GABRG3: variants seen among roughly 807,000 people sequenced by gnomAD.
The protein encoded by GABRG3 is gamma-aminobutyric acid type A receptor subunit gamma3, also known as gamma-aminobutyric acid receptor subunit gamma-3.
In GABRG3, 25 loss-of-function variants were observed where a neutral mutation model predicts 48.8. The observed-to-expected ratio is 0.51, with a 90% confidence interval of 0.37 to 0.72. The LOEUF (loss-of-function observed/expected upper bound fraction) is 0.72, where lower values mean the gene tolerates loss of function less well. Among genes scored for constraint, GABRG3 ranks in the 30% least tolerant of loss-of-function variants. The probability of loss-of-function intolerance (pLI) is 0.00; values close to 1 mark genes in which losing one functional copy is unlikely to be tolerated. For missense variants in GABRG3, 394 were observed against 577.9 expected (o/e 0.68, Z 3.26); for synonymous variants, 227 against 217.6 (o/e 1.04, Z -0.38).
At chr15:27,339,796 G>A (rs1269425710) in intron 5 of GABRG3, among the ~76,000 whole-genome samples, 1 of 152,186 alleles carries the variant, frequency 6.6e-6, no homozygotes, top group African/African-American at 2.4e-5. Flanking sequence ...CATGATCATA[G>A]CATTGATAAG....
At chr15:27,196,124 CA>C (rs922038486) in intron 3 of GABRG3, among the ~76,000 whole-genome samples, 3 of 152,180 alleles carry the variant, frequency 2.0e-5, no homozygotes, top group Admixed American at 6.5e-5. Context: ...AAGAGTGGAG[CA>C]GTAACCCGAT....
At chr15:27,299,618 A>G (rs1222835742) in intron 3 of GABRG3, among the ~76,000 whole-genome samples, 1 of 152,108 alleles carries the variant, frequency 6.6e-6, no homozygotes, top group African/African-American at 2.4e-5. Context: ...CCATTCTCTC[A>G]AAGTTGAGTC....
intron 5 of GABRG3, among the ~76,000 whole-genome samples, chr15:27,346,069 G>A (rs1195780347): frequency 0.068 from 60 of 880 alleles, 1 homozygote; most frequent in African/African-American, 0.15. Context: ...NNAAAAAAGA[G>A]AGAGAAAGAA....
At chr15:27,224,336 C>A (rs1017703792) in intron 3 of GABRG3, among the ~76,000 whole-genome samples, 1 of 152,192 alleles carries the variant, frequency 6.6e-6, no homozygotes, top group South Asian at 2.1e-4. Flanking sequence ...TCTTAGAAGG[C>A]CTGAAATGCT....
chr15:27,117,028 T>C (rs1451867922), intron 3 of GABRG3, among the ~76,000 whole-genome samples: 2 of 152,184 alleles, frequency 1.3e-5, no homozygotes, highest in Non-Finnish European at 2.9e-5. Context: ...CATTTAATCC[T>C]CACAACAGCC....
At chr15:27,282,069 G>T (rs1375569415) in intron 3 of GABRG3, among the ~76,000 whole-genome samples, 1 of 152,128 alleles carries the variant, frequency 6.6e-6, no homozygotes, top group African/African-American at 2.4e-5. Flanking sequence ...TGGCCTTCGT[G>T]TTTCTGATGA....
chr15:27,083,905 T>G (rs939870909), intron 3 of GABRG3, among the ~76,000 whole-genome samples: 1 of 152,226 alleles, frequency 6.6e-6, no homozygotes, highest in Non-Finnish European at 1.5e-5. Flanking sequence ...TGACATGCTG[T>G]GAAGGTAAGC....
At chr15:27,470,286 C>T (rs889349741) in intron 5 of GABRG3, among the ~76,000 whole-genome samples, 9 of 150,642 alleles carry the variant, frequency 6.0e-5, no homozygotes, top group Admixed American at 5.3e-4. Flanking sequence ...TGTAATGGCG[C>T]GATCTTAGCT....
intron 3 of GABRG3, among the ~76,000 whole-genome samples, chr15:27,076,318 CTTTT>C (rs1230817571): frequency 3.9e-4 from 41 of 106,478 alleles, no homozygotes; most frequent in East Asian, 8.3e-4. Flanking sequence ...AGCCAACTGT[CTTTT>C]TTTTTTTTTT....
chr15:27,251,857 C>A (rs1036839438), intron 3 of GABRG3, among the ~76,000 whole-genome samples: 1 of 152,134 alleles, frequency 6.6e-6, no homozygotes. Context: ...GGTCCTACCC[C>A]CTGTCTCTGC....
chr15:27,316,203 C>T (rs561541847), intron 3 of GABRG3, among the ~76,000 whole-genome samples: 1 of 151,758 alleles, frequency 6.6e-6, no homozygotes, highest in Non-Finnish European at 1.5e-5. Context: ...GCTAAAAAAA[C>T]GGTGAAACCC....
At position 27,157,709 on chromosome 15, in the gene GABRG3, C is replaced by G. The variant is rs146577847; in HGVS notation, c.270+130888C>G. The G allele has an allele frequency of 2.0e-5, 3 of 152,288 alleles. No individual in the cohort carries two copies. In the East Asian group the frequency reaches 5.8e-4, roughly 29 times the overall value. The allele number at this position is 152,288 out of a possible 1,614,324, so 9.4% of individuals were successfully genotyped here. ...TAACCTGCCTTAGCGATAGTTCTTA[C>G]GCAGACATATTGCAATATCAACGCA... On this transcript the variant is annotated intron_variant, in intron 3 of 9. Coordinates refer to ENST00000615808, the MANE Select transcript of GABRG3 (RefSeq NM_033223.5).
intron 6 of GABRG3, among the ~76,000 whole-genome samples, chr15:27,505,548 T>C (rs188846788): frequency 2.6e-5 from 4 of 152,322 alleles, no homozygotes; most frequent in Admixed American, 2.6e-4. Context: ...TGTTTACATT[T>C]TCTGAATAAT....
chr15:27,225,491 C>T (rs1390744176), intron 3 of GABRG3, among the ~76,000 whole-genome samples: 3 of 152,084 alleles, frequency 2.0e-5, no homozygotes, highest in Non-Finnish European at 4.4e-5. Flanking sequence ...GTAAGTTTAC[C>T]TGTAGATCAA....
At chr15:27,213,109 G>A (rs1889126184) in intron 3 of GABRG3, among the ~76,000 whole-genome samples, 1 of 152,102 alleles carries the variant, frequency 6.6e-6, no homozygotes, top group Non-Finnish European at 1.5e-5. Context: ...ATGTCTGAAG[G>A]TACATGTTTA....
At chr15:27,448,183 A>C (rs557768674) in intron 5 of GABRG3, among the ~76,000 whole-genome samples, 116 of 152,266 alleles carry the variant, frequency 7.6e-4, no homozygotes, top group Non-Finnish European at 1.5e-3. Context: ...ATCTGAGAAA[A>C]CTGTAATATA....
chr15:27,221,525 T>G (rs1163197809), intron 3 of GABRG3, among the ~76,000 whole-genome samples: 1 of 152,108 alleles, frequency 6.6e-6, no homozygotes, highest in Non-Finnish European at 1.5e-5. Flanking sequence ...TTAGCCTGTT[T>G]AAAGTGATGC....
At chr15:27,032,146 G>T (rs1896097510) in intron 3 of GABRG3, among the ~76,000 whole-genome samples, 1 of 152,082 alleles carries the variant, frequency 6.6e-6, no homozygotes, top group Non-Finnish European at 1.5e-5. Flanking sequence ...CTTCATCTCT[G>T]TTCTGTGATG....
At chr15:26,998,714 A>G (rs1309761942) in intron 2 of GABRG3, among the ~76,000 whole-genome samples, 1 of 152,202 alleles carries the variant, frequency 6.6e-6, no homozygotes, top group African/African-American at 2.4e-5. Flanking sequence ...TCTTACACTC[A>G]GAGAGCCCAG....
Sources: gnomAD v4.1 joint callset for allele counts (sites outside exome capture counted in the v4.1 genomes callset) on GRCh38, gnomAD v4.1.1 for gene constraint, MANE v1.5 for transcripts, NCBI Gene and HGNC (gene_info 2026-07-23, HGNC 2026-07-21) for gene names.